Variants in LRCH3 observed in about 807,000 individuals in gnomAD.
LRCH3 encodes DISP complex protein LRCH3.
Under a neutral mutation model 104.5 loss-of-function variants are expected in LRCH3, and 68 were observed. That is an observed-to-expected ratio of 0.65 (90% confidence interval 0.54 to 0.80). The LOEUF (loss-of-function observed/expected upper bound fraction) is 0.80. LRCH3 is among the 30% of genes least tolerant of loss of function. The probability of loss-of-function intolerance (pLI) is 0.00; values close to 1 mark genes in which losing one functional copy is unlikely to be tolerated. For synonymous variants in LRCH3, 344 were observed against 361.3 expected (o/e 0.95, Z 0.54); for missense variants, 951 against 953.9 (o/e 1.00, Z 0.04).
At chr3:197,829,806 G>A (rs1026217265) in intron 6 of LRCH3, 133 bp downstream of exon 6, 1 of 643,374 alleles carries the variant, frequency 1.6e-6, no homozygotes, top group South Asian at 2.1e-5. Flanking sequence ...CAGAATGCTT[G>A]TATTGTAAAG....
In LRCH3 at chr3:197,887,033, G is replaced by A. The variant is rs1381223611; in HGVS notation, c.*3367G>A. 2 of 152,090 alleles carry A rather than the reference G, an allele frequency of 1.3e-5. No homozygotes were observed. The highest frequency in any genetic ancestry group is 4.8e-5 in the African/African-American group (2 of 41,410). The allele number at this position is 152,090 out of a possible 1,614,324, so 9.4% of individuals were successfully genotyped here. ...TTTGAATTGTTAGGAAAAACCATGT[G>A]CAGTTTTGGCTGATAATTGAAGGAA... On this transcript the variant is annotated 3_prime_UTR_variant, in exon 21 of 21. Transcript: ENST00000425562.
At chr3:197,819,437 C>T (rs141689225) in intron 3 of LRCH3, among the ~76,000 whole-genome samples, 54 of 151,766 alleles carry the variant, frequency 3.6e-4, no homozygotes, top group African/African-American at 1.2e-3. Context: ...AGCTTCTGGC[C>T]GGGCACGGTG....
At chr3:197,816,059 TA>T (rs1733757705) in intron 2 of LRCH3, among the ~76,000 whole-genome samples, 1 of 152,178 alleles carries the variant, frequency 6.6e-6, no homozygotes, top group Non-Finnish European at 1.5e-5. Context: ...TTCACCATGA[TA>T]AAAATAATAT....
intron 7 of LRCH3, 185 bp downstream of exon 7, chr3:197,831,048 C>T: frequency 2.0e-6 from 1 of 508,594 alleles, no homozygotes; most frequent in South Asian, 2.6e-5. Context: ...GGCTTTCTGT[C>T]ACGTGGATTT....
At position 197,856,221 on chromosome 3, in the gene LRCH3, A is replaced by G. The variant is rs1740228456; in HGVS notation, c.1644+1776A>G. Among the ~76,000 whole-genome samples, 1 of 152,136 alleles carries G rather than the reference A, an allele frequency of 6.6e-6. No homozygotes were observed. Among genetic ancestry groups the G allele is most frequent in the Admixed American group, 6.6e-5 (1 of 15,262 alleles). ...CTTTAACATGACTTTTCGGCAGCCCACCACCCTTAAATCAGCCCACAGTTT... is the reference window on the plus strand; with the variant it reads ...CTTTAACATGACTTTTCGGCAGCCCGCCACCCTTAAATCAGCCCACAGTTT... On this transcript the variant is annotated intron_variant, in intron 14 of 20. Transcript: ENST00000425562. The surrounding 1 kb of genome is among the most constrained non-coding windows in gnomAD (Gnocchi z 4.2).
At position 197,841,809 on chromosome 3, in the gene LRCH3, A is replaced by ATGTTTTGTTTTGTTTTGTTTTGTTT. The variant is rs370265011; in HGVS notation, c.1328+2431_1328+2455dup. ...TGCTGGAAACTAAAGCTAGGATTAC[A>ATGTTTTGTTTTGTTTTGTTTTGTTT]TGTTTTGTTTTGTTTTGTTTTGTTT... is the stretch of plus-strand genomic sequence containing the variant. On this transcript the variant is annotated intron_variant, in intron 10 of 20. Coordinates refer to ENST00000425562, the MANE Select transcript of LRCH3 (RefSeq NM_001365715.1). Among the ~76,000 whole-genome samples, 11 of 148,382 alleles carry ATGTTTTGTTTTGTTTTGTTTTGTTT rather than the reference A, an allele frequency of 7.4e-5. No homozygotes were observed. In the South Asian group the frequency reaches 8.7e-4, roughly 12 times the overall value.
intron 1 of LRCH3, among the ~76,000 whole-genome samples, chr3:197,811,540 C>T (rs1035809570): frequency 4.6e-5 from 7 of 152,118 alleles, no homozygotes; most frequent in East Asian, 1.9e-4. Flanking sequence ...GATGTCACTG[C>T]GTGGGACCGC....
intron 7 of LRCH3, 50 bp downstream of exon 7, chr3:197,830,913 CAG>C: frequency 7.1e-7 from 1 of 1,406,118 alleles, no homozygotes; most frequent in Non-Finnish European, 1.0e-6. Context: ...TAAGAGAAAA[CAG>C]AATGATGAAA....
rs1420971726 is a variant in LRCH3, at chr3:197,856,722, A to G, written c.1645-2112A>G. On this transcript the variant is annotated intron_variant, in intron 14 of 20. Coordinates refer to ENST00000425562, the MANE Select transcript of LRCH3 (RefSeq NM_001365715.1). The surrounding 1 kb of genome is among the most constrained non-coding windows in gnomAD (Gnocchi z 4.2). The stretch of plus-strand genomic sequence containing the variant: ...TTTATTATCTCTTTTCTGTTGGACT[A>G]CTAGACTATAAGCTTCATGAACACA... Among the ~76,000 whole-genome samples the G allele has an allele frequency of 6.6e-6, 1 of 152,112 alleles. No individual in the cohort carries two copies. Among genetic ancestry groups the G allele is most frequent in the Non-Finnish European group, 1.5e-5 (1 of 68,028 alleles).
At chr3:197,832,894 A>C (rs1239436226) in intron 8 of LRCH3, among the ~76,000 whole-genome samples, 1 of 152,054 alleles carries the variant, frequency 6.6e-6, no homozygotes, top group African/African-American at 2.4e-5. Context: ...GTTTGAATTT[A>C]ATGTTTAATG....
chr3:197,832,448 T>A, intron 8 of LRCH3, 131 bp downstream of exon 8: 1 of 837,704 alleles, frequency 1.2e-6, no homozygotes, highest in East Asian at 2.9e-5. Flanking sequence ...CTTCTTTTCA[T>A]ATATGATTGA....
chr3:197,820,309 T>C lies in LRCH3; in HGVS notation c.535-16T>C. 3 of 1,541,072 alleles carry C rather than the reference T, an allele frequency of 1.9e-6. No homozygotes were observed. The highest frequency in any genetic ancestry group is 2.7e-6 in the Non-Finnish European group (3 of 1,114,412). On this transcript the variant is annotated splice_polypyrimidine_tract_variant and intron_variant, in intron 3 of 20. Transcript: ENST00000425562. ...TAATGTTAGGACAATCTTTATTTTGTATCTTTTCGAAATAGGATGTGAGCT... is the reference window on the plus strand; with the variant it reads ...TAATGTTAGGACAATCTTTATTTTGCATCTTTTCGAAATAGGATGTGAGCT...
At chr3:197,852,223 C>T in intron 12 of LRCH3, 1 of 205,196 alleles carries the variant, frequency 4.9e-6, no homozygotes, top group East Asian at 1.1e-4. Flanking sequence ...GTGGGGTTTC[C>T]AAGTAGAGAG....
At chr3:197,813,264 A>G (rs1460335788) in intron 1 of LRCH3, among the ~76,000 whole-genome samples, 1 of 152,024 alleles carries the variant, frequency 6.6e-6, no homozygotes, top group East Asian at 1.9e-4. Context: ...TTATTTCAAA[A>G]TGTACAATAA....
chr3:197,866,066 T>C (rs1358714286), intron 16 of LRCH3, 46 bp from the exon 17 acceptor site: 8 of 1,357,992 alleles, frequency 5.9e-6, no homozygotes, highest in Non-Finnish European at 7.4e-6. Flanking sequence ...TCTGCTATTA[T>C]ATTTTCATCT....
Position 197,883,785 on chromosome 3 carries a change from A to G in LRCH3, c.*119A>G, listed in dbSNP as rs1359716827. 9.4e-7 allele frequency: 1 copy of G among 1,062,320 alleles called. No individual in the cohort carries two copies. Among genetic ancestry groups the G allele is most frequent in the East Asian group, 3.0e-5 (1 of 32,976 alleles). 65.8% of individuals were successfully genotyped at this position (1,062,320 alleles called of 1,614,324 possible). A position where few individuals can be genotyped will look rare whatever the true frequency, so the allele number is the denominator to read the frequency against. ...TGTGTTCTCAGAAGGGACCGTTCCC[A>G]TGATTCCTAACAGGAATATTTTGCT... On this transcript the variant is annotated 3_prime_UTR_variant, in exon 21 of 21. Coordinates refer to ENST00000425562, the MANE Select transcript of LRCH3 (RefSeq NM_001365715.1). This position sits in a 1 kb window ranked among gnomAD's most constrained non-coding sequence, Gnocchi z 4.2.
At chr3:197,867,891 G>A (rs949361194) in intron 17 of LRCH3, among the ~76,000 whole-genome samples, 2 of 152,004 alleles carry the variant, frequency 1.3e-5, no homozygotes, top group African/African-American at 2.4e-5. Context: ...AGGCATGGTG[G>A]TGCAGGCCTG....
At position 197,830,428 on chromosome 3, in the gene LRCH3, G is replaced by A. The variant is rs545695229; in HGVS notation, c.888-342G>A. 2.0e-5 allele frequency among the ~76,000 whole-genome samples: 3 copies of A among 152,278 alleles called. No homozygotes were observed. In the South Asian group the frequency reaches 6.2e-4, roughly 32 times the overall value. On this transcript the variant is annotated intron_variant, in intron 6 of 20. Coordinates refer to ENST00000425562, the MANE Select transcript of LRCH3 (RefSeq NM_001365715.1). ...GATGTTTCAGTCAAAGTGAAGTAAT[G>A]TTTATGGACTTTACTCAAAAGAGAA... is the stretch of plus-strand genomic sequence containing the variant.
At chr3:197,838,532 T>G (rs574822689) in intron 9 of LRCH3, among the ~76,000 whole-genome samples, 2 of 152,342 alleles carry the variant, frequency 1.3e-5, no homozygotes, top group East Asian at 3.9e-4. Context: ...TATTTTTCCC[T>G]TGATGAATAA....
Sources: allele counts gnomAD v4.1 joint callset (sites outside exome capture counted in the v4.1 genomes callset), GRCh38; gene constraint gnomAD v4.1.1; non-coding constraint Gnocchi (gnomAD v3.1); transcripts MANE v1.5; gene names NCBI Gene and HGNC (gene_info 2026-07-23, HGNC 2026-07-21).